Variants in NEDD4L observed in about 807,000 individuals in gnomAD.
NEDD4L encodes the protein NEDD4 like E3 ubiquitin protein ligase.
NEDD4L carries 54 observed loss-of-function variants against 148.9 expected under a neutral mutation model. The ratio of observed to expected loss-of-function variants is 0.36; its 90% confidence interval spans 0.29 to 0.45. The LOEUF (loss-of-function observed/expected upper bound fraction) is 0.45. Among genes scored for constraint, NEDD4L ranks in the 20% least tolerant of loss-of-function variants. NEDD4L has a pLI of 1.00. For missense variants in NEDD4L, 856 were observed against 1,233.8 expected, an observed-to-expected ratio of 0.69 and a Z score of 4.59; for synonymous variants, 433 against 440.7, an observed-to-expected ratio of 0.98 and a Z score of 0.22.
At chr18:58,113,314 A>G (rs151099290) in intron 1 of NEDD4L, among the ~76,000 whole-genome samples, 45 of 152,324 alleles carry the variant, frequency 3.0e-4, no homozygotes, top group Non-Finnish European at 4.3e-4. Flanking sequence ...CATGGAGTCT[A>G]TGGTCTAGTT....
intron 2 of NEDD4L, among the ~76,000 whole-genome samples, chr18:58,186,806 G>A (rs565089778): frequency 1.1e-4 from 17 of 152,336 alleles, no homozygotes; most frequent in Non-Finnish European, 2.2e-4. Flanking sequence ...GGTATGCTGA[G>A]GCCCTGCCTC....
intron 11 of NEDD4L, 55 bp from the exon 12 acceptor site, chr18:58,333,763 A>G: frequency 7.9e-7 from 1 of 1,259,738 alleles, no homozygotes; most frequent in Non-Finnish European, 1.2e-6. Context: ...AACCAATGAA[A>G]GTTGCTTTTA....
chr18:58,095,636 A>T (rs2084350593), intron 1 of NEDD4L, among the ~76,000 whole-genome samples: 1 of 152,208 alleles, frequency 6.6e-6, no homozygotes, highest in Admixed American at 6.5e-5. Flanking sequence ...GCATTGATCG[A>T]CACTGTGGAG....
At chr18:58,093,531 C>T (rs182167045) in intron 1 of NEDD4L, among the ~76,000 whole-genome samples, 95 of 152,248 alleles carry the variant, frequency 6.2e-4, no homozygotes, top group African/African-American at 2.3e-3. Context: ...TAAAACATCT[C>T]CCACCCCACC....
intron 1 of NEDD4L, among the ~76,000 whole-genome samples, chr18:58,092,119 A>G (rs1236925973): frequency 1.3e-5 from 2 of 152,262 alleles, no homozygotes; most frequent in East Asian, 3.8e-4. Context: ...TGTGAGTAAA[A>G]GAGGGGATGG....
chr18:58,202,401 G>A (rs548796574), intron 2 of NEDD4L, among the ~76,000 whole-genome samples: 9 of 152,334 alleles, frequency 5.9e-5, no homozygotes, highest in East Asian at 5.8e-4. Flanking sequence ...CAGCATCCCC[G>A]GAGCTCATCA....
chr18:58,143,198 A>G (rs1164023286), intron 1 of NEDD4L, among the ~76,000 whole-genome samples: 1 of 152,242 alleles, frequency 6.6e-6, no homozygotes, highest in Non-Finnish European at 1.5e-5. Flanking sequence ...GGGAATGCAC[A>G]TCATATCCCT....
chr18:58,333,785 C>A (rs1485803250), intron 11 of NEDD4L, 33 bp from the exon 12 acceptor site: 3 of 1,546,120 alleles, frequency 1.9e-6, no homozygotes, highest in Non-Finnish European at 2.7e-6. Flanking sequence ...GAATATATTT[C>A]TTGATGCTTC....
At chr18:58,368,250 A>AT (rs1484889214) in intron 22 of NEDD4L, among the ~76,000 whole-genome samples, 3 of 105,414 alleles carry the variant, frequency 2.8e-5, no homozygotes, top group Non-Finnish European at 5.4e-5. Flanking sequence ...TTGTCCCCAA[A>AT]TTATTTTTTA....
At chr18:58,151,735 A>G (rs1163992057) in intron 1 of NEDD4L, among the ~76,000 whole-genome samples, 1 of 151,398 alleles carries the variant, frequency 6.6e-6, no homozygotes, top group African/African-American at 2.4e-5. Context: ...CTGAATTTGG[A>G]AATAATCTAT....
intron 1 of NEDD4L, among the ~76,000 whole-genome samples, chr18:58,079,610 C>T (rs902954632): frequency 2.4e-4 from 37 of 152,136 alleles, no homozygotes; most frequent in Admixed American, 2.2e-3. Context: ...CTCTGGGCTC[C>T]GATCACTTGG....
intron 2 of NEDD4L, among the ~76,000 whole-genome samples, chr18:58,183,890 C>T (rs2039128323): frequency 6.6e-6 from 1 of 152,222 alleles, no homozygotes; most frequent in South Asian, 2.1e-4. Context: ...ACTTCTAAGG[C>T]CAGGCATGGT....
intron 5 of NEDD4L, 38 bp from the exon 6 acceptor site, chr18:58,315,944 G>T: frequency 6.4e-7 from 1 of 1,557,572 alleles, no homozygotes; most frequent in Non-Finnish European, 8.9e-7. Context: ...GCTCAGTGAA[G>T]AAATGGAAAC....
At chr18:58,191,616 A>G (rs1328916100) in intron 2 of NEDD4L, among the ~76,000 whole-genome samples, 1 of 152,238 alleles carries the variant, frequency 6.6e-6, no homozygotes, top group Non-Finnish European at 1.5e-5. Flanking sequence ...TCTTCTTACA[A>G]AACAATCACG....
At chr18:58,110,800 C>G (rs1271438163) in intron 1 of NEDD4L, among the ~76,000 whole-genome samples, 1 of 152,196 alleles carries the variant, frequency 6.6e-6, no homozygotes, top group African/African-American at 2.4e-5. Flanking sequence ...TGAACTTACC[C>G]TTTTTCAGTA....
intron 2 of NEDD4L, among the ~76,000 whole-genome samples, chr18:58,218,343 T>A (rs2043366015): frequency 1.3e-5 from 2 of 152,208 alleles, no homozygotes; most frequent in African/African-American, 4.8e-5. Flanking sequence ...CAACCAACAA[T>A]GGCTTATTGC....
chr18:58,311,191 CTGAGA>C (rs1399400786), intron 5 of NEDD4L, among the ~76,000 whole-genome samples: 2 of 152,262 alleles, frequency 1.3e-5, no homozygotes, highest in South Asian at 2.1e-4. Flanking sequence ...ATGCATGTAA[CTGAGA>C]TGAGTTCCTC....
Position 58,373,237 on chromosome 18 carries a change from A to G in NEDD4L, c.2320A>G (p.Met774Val), listed in dbSNP as rs747066497. The change falls in exon 24 of 31, where the codon ATG (methionine) becomes GTG (valine). Residue 774 changes from methionine (M) to valine (V), a missense_variant. Met to Val is a conservative substitution (Grantham distance 21, BLOSUM62 1). Coordinates refer to ENST00000400345, the MANE Select transcript of NEDD4L (RefSeq NM_001144967.3). ...GAATGACCCTACTGAGCTGGACCTCATGTTCTGCATAGACGAAGAAAACTT... is the reference window on the plus strand; with the variant it reads ...GAATGACCCTACTGAGCTGGACCTCGTGTTCTGCATAGACGAAGAAAACTT... ...LENDPTELDL[M>V]FCIDEENFGQ... 7 of 1,580,412 alleles carry G rather than the reference A, an allele frequency of 4.4e-6. No homozygotes were observed. The highest frequency in any genetic ancestry group is 3.5e-5 in the South Asian group (3 of 86,216).
chr18:58,271,414 A>G (rs1354068328), intron 5 of NEDD4L, among the ~76,000 whole-genome samples: 3 of 152,100 alleles, frequency 2.0e-5, no homozygotes, highest in Non-Finnish European at 2.9e-5. Flanking sequence ...TTCGTGGTTT[A>G]TTCTCTTCTT....
Sources: allele counts gnomAD v4.1 joint callset (sites outside exome capture counted in the v4.1 genomes callset), GRCh38; gene constraint gnomAD v4.1.1; transcripts MANE v1.5; gene names NCBI Gene and HGNC (gene_info 2026-07-23, HGNC 2026-07-21).